The following SPMAP1 variants were observed in gnomAD, a reference collection of about 807,000 sequenced individuals.
SPMAP1 encodes the protein sperm microtubule associated protein 1.
the SPMAP1 span, among the ~76,000 whole-genome samples, chr17:38,839,904 T>TAC: frequency 6.6e-6 from 1 of 152,056 alleles, no homozygotes; most frequent in Non-Finnish European, 1.5e-5. Context: ...TTTGGGACTA[T>TAC]ACACACACAC....
the SPMAP1 span, chr17:38,841,158 G>T: frequency 1.3e-6 from 2 of 1,580,504 alleles, no homozygotes; most frequent in Middle Eastern, 1.7e-4. Flanking sequence ...GGAGGTGTGT[G>T]GGGTCTTCCG....
the SPMAP1 span, among the ~76,000 whole-genome samples, chr17:38,837,695 A>AAAAAAG: frequency 9.2e-5 from 14 of 151,964 alleles, no homozygotes; most frequent in East Asian, 2.7e-3. Flanking sequence ...AAAAAAAAGA[A>AAAAAAG]AAAAAGAAAA....
chr17:38,840,481 C>T, the SPMAP1 span, among the ~76,000 whole-genome samples: 46 of 152,162 alleles, frequency 3.0e-4, 1 homozygote, highest in South Asian at 9.5e-3. Flanking sequence ...GCTCAGGGAG[C>T]TTGCGCTCAA....
At chr17:38,835,115 A>G in the SPMAP1 span, 3 of 1,507,892 alleles carry the variant, frequency 2.0e-6, no homozygotes, top group Non-Finnish European at 2.7e-6. Flanking sequence ...TTTTAACGTA[A>G]AATAACACTA....
chr17:38,837,427 A>C, the SPMAP1 span, among the ~76,000 whole-genome samples: 10 of 152,212 alleles, frequency 6.6e-5, no homozygotes, highest in African/African-American at 2.2e-4. Context: ...CTCTAATCCC[A>C]GCACTTTGGA....
the SPMAP1 span, among the ~76,000 whole-genome samples, chr17:38,835,985 G>A: frequency 6.6e-6 from 1 of 152,094 alleles, no homozygotes; most frequent in African/African-American, 2.4e-5. Context: ...CGCAATCTCG[G>A]ATCACTGCAA....
the SPMAP1 span, chr17:38,837,291 G>A: frequency 7.8e-7 from 1 of 1,283,306 alleles, no homozygotes; most frequent in African/African-American, 1.5e-5. Flanking sequence ...CCACAATGCT[G>A]AGGGGGACAC....
the SPMAP1 span, chr17:38,835,460 T>C: frequency 9.0e-7 from 1 of 1,106,788 alleles, no homozygotes; most frequent in Non-Finnish European, 1.3e-6. Flanking sequence ...GCATTCCCCA[T>C]GCTGAACACG....
At chr17:38,841,175 T>TC in the SPMAP1 span, 2 of 1,611,210 alleles carry the variant, frequency 1.2e-6, no homozygotes, top group Non-Finnish European at 1.7e-6. Flanking sequence ...TCCGGGAAGC[T>TC]CCTATACCTG....
chr17:38,838,580 A>G, the SPMAP1 span, among the ~76,000 whole-genome samples: 1 of 151,980 alleles, frequency 6.6e-6, no homozygotes, highest in African/African-American at 2.4e-5. Context: ...AGCCTGGGCA[A>G]TAGGGCGAGA....
chr17:38,837,206 A>T, the SPMAP1 span: 1 of 1,613,992 alleles, frequency 6.2e-7, no homozygotes, highest in Non-Finnish European at 8.5e-7. Context: ...GATGTAGTCT[A>T]CTATCCAGCC....
chr17:38,837,054 G>C, the SPMAP1 span: 3 of 869,088 alleles, frequency 3.5e-6, no homozygotes, highest in Admixed American at 5.2e-5. Flanking sequence ...AAGCTGGAAG[G>C]ATGCAGTCCC....
the SPMAP1 span, among the ~76,000 whole-genome samples, chr17:38,839,479 A>G: frequency 1.3e-5 from 2 of 148,572 alleles, no homozygotes; most frequent in African/African-American, 5.0e-5. Flanking sequence ...AAAAAAAAAA[A>G]AAAGAAAAGA....
At chr17:38,835,446 A>G in the SPMAP1 span, 1 of 1,260,860 alleles carries the variant, frequency 7.9e-7, no homozygotes, top group Non-Finnish European at 1.1e-6. Flanking sequence ...AGGCGTAGTC[A>G]CTTGCATTCC....
chr17:38,841,435 A>G, the SPMAP1 span: 1 of 1,570,274 alleles, frequency 6.4e-7, no homozygotes, highest in Non-Finnish European at 8.7e-7. Context: ...GGGGATGAGG[A>G]CCCTAGATGG....
chr17:38,835,292 G>A, the SPMAP1 span: 89 of 1,614,032 alleles, frequency 5.5e-5, no homozygotes, highest in Non-Finnish European at 6.6e-5. Flanking sequence ...CCCATCGATC[G>A]GTTTCAGATC....
At chr17:38,838,252 T>C in the SPMAP1 span, among the ~76,000 whole-genome samples, 1 of 152,162 alleles carries the variant, frequency 6.6e-6, no homozygotes, top group African/African-American at 2.4e-5. Flanking sequence ...AATGTTATCT[T>C]TATTTAAATG....
chr17:38,838,959 G>A, the SPMAP1 span, among the ~76,000 whole-genome samples: 4 of 151,340 alleles, frequency 2.6e-5, no homozygotes, highest in African/African-American at 7.3e-5. Context: ...GGTGGCGGGC[G>A]CTTGTAATCT....
At chr17:38,835,184 T>A in the SPMAP1 span, 2 of 1,613,666 alleles carry the variant, frequency 1.2e-6, no homozygotes, top group Non-Finnish European at 1.7e-6. Flanking sequence ...AGGGAAAAGA[T>A]GCTGTTAGAA....
Sources: gnomAD v4.1 joint callset for allele counts (sites outside exome capture counted in the v4.1 genomes callset) on GRCh38, gnomAD v4.1.1 for gene constraint, MANE v1.5 for transcripts, NCBI Gene and HGNC (gene_info 2026-07-23, HGNC 2026-07-21) for gene names.